The following OPA3 variants were observed in gnomAD, a reference collection of about 807,000 sequenced individuals.
The protein encoded by OPA3 is outer mitochondrial membrane lipid metabolism regulator OPA3, also known as optic atrophy 3 protein.
In OPA3, 6 loss-of-function variants were observed where a neutral mutation model predicts 4.0. That is an observed-to-expected ratio of 1.51 (90% CI 0.83 to 2.99). The LOEUF (loss-of-function observed/expected upper bound fraction) is 2.99, where lower values mean the gene tolerates loss of function less well. Among genes scored for constraint, OPA3 ranks in the 30% most tolerant of loss-of-function variants. The pLI is 0.00. For missense variants in OPA3, 235 were observed against 256.2 expected (o/e 0.92, Z 0.56); for synonymous variants, 105 against 117.1 (o/e 0.90, Z 0.67).
At chr19:45,540,566 GA>G (rs11290497) in intron 1 of OPA3, among the ~76,000 whole-genome samples, 47,594 of 100,884 alleles carry the variant, frequency 0.47, 8,923 homozygotes, top group Middle Eastern at 0.6. Context: ...GTCTCAGAAA[GA>G]AAAAAAAAAA....
downstream of OPA3, among the ~76,000 whole-genome samples, chr19:45,544,886 G>A (rs1470576215): frequency 6.6e-6 from 1 of 152,040 alleles, no homozygotes; most frequent in African/African-American, 2.4e-5. Context: ...GGGAGGCTGA[G>A]GCAGGAGAAT....
intron 1 of OPA3, among the ~76,000 whole-genome samples, chr19:45,575,399 C>G (rs567821959): frequency 8.6e-4 from 131 of 152,050 alleles, no homozygotes; most frequent in Middle Eastern, 3.4e-3. Flanking sequence ...CTAAGAGTTA[C>G]TACGGTAAGC....
At chr19:45,567,887 T>C (rs969115106) in intron 1 of OPA3, among the ~76,000 whole-genome samples, 5 of 152,182 alleles carry the variant, frequency 3.3e-5, no homozygotes, top group African/African-American at 1.2e-4. Context: ...ATAAAAGCTG[T>C]TATTATCAGT....
At chr19:45,580,001 CTTTT>C (rs57357578) in intron 1 of OPA3, among the ~76,000 whole-genome samples, 1 of 114,886 alleles carries the variant, frequency 8.7e-6, no homozygotes, top group African/African-American at 4.3e-5. Context: ...TTTTTTTTTT[CTTTT>C]TTTTTTTTTG....
At chr19:45,574,169 G>C (rs974380354) in intron 1 of OPA3, among the ~76,000 whole-genome samples, 1 of 150,494 alleles carries the variant, frequency 6.6e-6, no homozygotes, top group African/African-American at 2.4e-5. Flanking sequence ...TGAGGCGGGC[G>C]GATCACGAGG....
intron 1 of OPA3, among the ~76,000 whole-genome samples, chr19:45,555,552 G>C (rs1334847121): frequency 1.3e-5 from 2 of 151,680 alleles, no homozygotes; most frequent in African/African-American, 4.8e-5. Flanking sequence ...GTGCAGTGGC[G>C]CGATCTCGGC....
intron 1 of OPA3, among the ~76,000 whole-genome samples, chr19:45,530,197 T>C (rs898628868): frequency 6.6e-6 from 1 of 152,028 alleles, no homozygotes; most frequent in African/African-American, 2.4e-5. Context: ...CTACTAAAAA[T>C]ACAAAAATTA....
chr19:45,550,911 T>C lies in OPA3; in HGVS notation c.*2603A>G, dbSNP rs1422479865. The C allele has an allele frequency of 1.3e-5, 13 of 985,614 alleles. No individual in the cohort carries two copies. The Admixed American group carries it at 6.8e-4, about 51-fold the overall frequency. The allele number at this position is 985,614 out of a possible 1,614,324, so 61.1% of individuals were successfully genotyped here. The stretch of plus-strand genomic sequence containing the variant: ...TAGAAAAGGGTGGTTCCTAGACTGT[T>C]CCTCTCAGCTAGCAGGAAGGCCAAA... On this transcript the variant is annotated 3_prime_UTR_variant, in exon 2 of 2. Transcript: ENST00000263275.
intron 1 of OPA3, among the ~76,000 whole-genome samples, chr19:45,534,555 T>C (rs1969094452): frequency 1.4e-5 from 1 of 73,936 alleles, no homozygotes. Flanking sequence ...AGCAAAACTC[T>C]GTCCCAAAAA....
At chr19:45,583,367 T>C (rs567680763) in intron 1 of OPA3, among the ~76,000 whole-genome samples, 68 of 152,132 alleles carry the variant, frequency 4.5e-4, no homozygotes, top group African/African-American at 1.6e-3. Flanking sequence ...TTAGCCAGGA[T>C]GGTCTCCATC....
downstream of OPA3, among the ~76,000 whole-genome samples, chr19:45,544,795 A>AAAT (rs1969226810): frequency 1.5e-4 from 21 of 140,748 alleles, no homozygotes; most frequent in African/African-American, 4.8e-4. Context: ...ACTCCGTCTC[A>AAAT]AAATAAATAA....
chr19:45,549,378 CAGGG>C lies in OPA3; in HGVS notation c.*4132_*4135del. On this transcript the variant is annotated 3_prime_UTR_variant, in exon 2 of 2. Coordinates refer to ENST00000263275, the MANE Select transcript of OPA3 (RefSeq NM_025136.4). The stretch of plus-strand genomic sequence containing the variant: ...GGCTGCCTGTCAGGGCAGGGCAGGG[CAGGG>C]CTGAGTGCGAAGTCTCTGAGATGTG... 7.1e-6 allele frequency: 7 copies of C among 985,216 alleles called. No homozygotes were observed. The highest frequency in any genetic ancestry group is 8.4e-6 in the Non-Finnish European group (7 of 829,892). The allele number at this position is 985,216 out of a possible 1,614,324, so 61.0% of individuals were successfully genotyped here.
intron 1 of OPA3, among the ~76,000 whole-genome samples, chr19:45,535,760 TTC>T (rs1442315155): frequency 8.3e-5 from 9 of 108,324 alleles, no homozygotes; most frequent in African/African-American, 2.8e-4. Context: ...TTTTTTTCTT[TTC>T]TTTTTTTTTT....
intron 1 of OPA3, among the ~76,000 whole-genome samples, chr19:45,572,308 C>T (rs1301539059): frequency 5.0e-5 from 5 of 100,110 alleles, no homozygotes; most frequent in Admixed American, 1.1e-4. Flanking sequence ...TCATATATAT[C>T]GACATATATG....
intron 1 of OPA3, among the ~76,000 whole-genome samples, chr19:45,530,151 T>C (rs1599947835): frequency 6.6e-6 from 1 of 152,098 alleles, no homozygotes; most frequent in Non-Finnish European, 1.5e-5. Context: ...ATCAGGAGTT[T>C]GAGACCAGCC....
rs1969317216 is a variant in OPA3, at chr19:45,550,557, CCCTACTACTTCA to C, written c.*2945_*2956del. ...GGGTAATCCAAGCCTCTCACTCTGC[CCCTACTACTTCA>C]CCACCCTGGGCAGTCAGCCCCTCAC... On this transcript the variant is annotated 3_prime_UTR_variant, in exon 2 of 2. Coordinates refer to ENST00000263275, the MANE Select transcript of OPA3 (RefSeq NM_025136.4). The C allele has an allele frequency of 1.0e-6, 1 of 986,248 alleles. No homozygotes were observed. The highest frequency in any genetic ancestry group is 1.7e-5 in the African/African-American group (1 of 57,234). 61.1% of individuals were successfully genotyped at this position (986,248 alleles called of 1,614,324 possible).
intron 1 of OPA3, among the ~76,000 whole-genome samples, chr19:45,570,409 G>A (rs1446274781): frequency 6.6e-6 from 1 of 152,162 alleles, no homozygotes; most frequent in Non-Finnish European, 1.5e-5. Flanking sequence ...CTGGCTGGGA[G>A]CGGTGGCTCA....
In OPA3 at chr19:45,548,789, C is replaced by CTTTA. The variant is rs1568400201; in HGVS notation, c.*4724_*4725insTAAA. The CTTTA allele has an allele frequency of 4.2e-6, 2 of 481,768 alleles. No individual in the cohort carries two copies. The highest frequency in any genetic ancestry group is 3.3e-5 in the African/African-American group (1 of 30,010). 29.8% of individuals were successfully genotyped at this position (481,768 alleles called of 1,614,324 possible). On this transcript the variant is annotated 3_prime_UTR_variant, in exon 2 of 2. Transcript: ENST00000263275. ...ATATTTTTCCTAAGGTTGACATGGA[C>CTTTA]CTTATTTATTTATTTATTTATTTAT...
Position 45,536,247 on chromosome 19 carries a change from A to T in OPA3, c.143-6791T>A, listed in dbSNP as rs1478145329. Among the ~76,000 whole-genome samples, 35 of 143,380 alleles carry T rather than the reference A, an allele frequency of 2.4e-4. 1 individual carries two copies. Among genetic ancestry groups the T allele is most frequent in the South Asian group, 1.3e-3 (6 of 4,566 alleles). 94.1% of individuals were successfully genotyped at this position (143,380 alleles called of 152,430 possible). ...TATCTCAAAAAAAAAAAAAAAAATT[A>T]AAAAAAAAAATGTGGGCCGGGCACG... is the stretch of plus-strand genomic sequence containing the variant. On this transcript the variant is annotated intron_variant, in intron 1 of 1. Transcript: ENST00000323060.
Sources: allele counts gnomAD v4.1 joint callset (sites outside exome capture counted in the v4.1 genomes callset), GRCh38; gene constraint gnomAD v4.1.1; transcripts MANE v1.5; gene names NCBI Gene and HGNC (gene_info 2026-07-23, HGNC 2026-07-21).